The following NCCRP1 variants were observed in gnomAD, a reference collection of about 807,000 sequenced individuals.
NCCRP1 encodes F-box only protein 50.
In NCCRP1, 32 loss-of-function variants were observed where a neutral mutation model predicts 34.4. The observed-to-expected ratio is 0.93, with a 90% CI of 0.70 to 1.25. The LOEUF is 1.25. Ranked by LOEUF, NCCRP1 falls within the 50% of genes most tolerant of loss-of-function variation. The pLI is 0.00. For synonymous variants in NCCRP1, 172 were observed against 180.1 expected (o/e 0.95, Z 0.36); for missense variants, 372 against 391.8 (o/e 0.95, Z 0.43).
chr19:39,197,305 C>T lies in NCCRP1; in HGVS notation c.323C>T (p.Ser108Leu), dbSNP rs867796352. The change falls in exon 1 of 6, where the codon TCG (serine) becomes TTG (leucine). Residue 108 changes from serine to leucine, a missense_variant. Transcript: ENST00000339852. ...CCGCTCTACCGCAACCTGCTGCGCT[C>T]GCCCAACCCCGAAGGTGCGCAAGGG... Reference protein sequence around the residue: ...RRPLYRNLLRSPNPEGINIYE... With the variant: ...RRPLYRNLLRLPNPEGINIYE... 1 of 1,468,886 alleles carries T rather than the reference C, an allele frequency of 6.8e-7. No individual in the cohort carries two copies. The highest frequency in any genetic ancestry group is 2.6e-5 in the Admixed American group (1 of 39,154). 91.0% of individuals were successfully genotyped at this position (1,468,886 alleles called of 1,614,324 possible).
chr19:39,201,580 G>A lies in NCCRP1; in HGVS notation c.*824G>A, dbSNP rs1296921050. The stretch of plus-strand genomic sequence containing the variant: ...CCCACCTTGGCTTCCCAAAGTGCTG[G>A]GATTGCAGACGTGAGTCACTGCGCC... On this transcript the variant is annotated 3_prime_UTR_variant, in exon 6 of 6. Transcript: ENST00000339852. 6.6e-6 allele frequency: 1 copy of A among 152,144 alleles called. No individual in the cohort carries two copies. The highest frequency in any genetic ancestry group is 1.5e-5 in the Non-Finnish European group (1 of 68,058). 9.4% of individuals were successfully genotyped at this position (152,144 alleles called of 1,614,324 possible).
In NCCRP1 at chr19:39,200,783, A is replaced by C; in HGVS notation, c.*27A>C. ...TGGCTGGCTCCTCTGTCCTGACCCC[A>C]CAGCACCTCCCTGACCTTTAGGAGC... On this transcript the variant is annotated 3_prime_UTR_variant, in exon 6 of 6. Transcript: ENST00000339852. The surrounding 1 kb of genome is among the most constrained non-coding windows in gnomAD (Gnocchi z 5.8). 1 of 1,598,142 alleles carries C rather than the reference A, an allele frequency of 6.3e-7. No individual in the cohort carries two copies. Among genetic ancestry groups the C allele is most frequent in the Non-Finnish European group, 8.5e-7 (1 of 1,175,306 alleles).
chr19:39,198,021 G>C, intron 1 of NCCRP1, 32 bp from the exon 2 acceptor site: 1 of 1,610,638 alleles, frequency 6.2e-7, no homozygotes, highest in South Asian at 1.1e-5. Flanking sequence ...TGGAGGGGCT[G>C]CCCAGAGGCT....
At chr19:39,199,482 C>CTTTTCTTTTTT (rs200111495) in intron 4 of NCCRP1, among the ~76,000 whole-genome samples, 72 of 122,978 alleles carry the variant, frequency 5.9e-4, no homozygotes, top group Non-Finnish European at 1.0e-3. Flanking sequence ...ATTTCTTTTT[C>CTTTTCTTTTTT]TTTTCTTTTT....
Position 39,197,261 on chromosome 19 carries a change from G to A in NCCRP1, c.279G>A (p.Lys93=). ...AGCTGCCCCAGCGCCTCACCTGGAA[G>A]CTGCTCCTGTTGCGGCGGCCGCTCT... ...GLELPQRLTW[K]LLLLRRPLYR... The change falls in exon 1 of 6, where the codon AAG becomes AAA. Residue 93 remains lysine, a synonymous_variant. Coordinates refer to ENST00000339852, the MANE Select transcript of NCCRP1 (RefSeq NM_001001414.2). 6.7e-7 allele frequency: 1 copy of A among 1,496,494 alleles called. No homozygotes were observed. The highest frequency in any genetic ancestry group is 8.8e-7 in the Non-Finnish European group (1 of 1,133,576). 92.7% of individuals were successfully genotyped at this position (1,496,494 alleles called of 1,614,324 possible).
chr19:39,200,286 G>C lies in NCCRP1; in HGVS notation c.549-60G>C, dbSNP rs1181756746. ...TGTGTTGAATGGGGAATGGGGCCAG[G>C]GGCTGGGGCTGGGTAGCTGAGACTG... On this transcript the variant is annotated intron_variant, in intron 4 of 5. Coordinates refer to ENST00000339852, the MANE Select transcript of NCCRP1 (RefSeq NM_001001414.2). The surrounding 1 kb of genome is among the most constrained non-coding windows in gnomAD (Gnocchi z 5.8). 1.9e-6 allele frequency: 3 copies of C among 1,595,902 alleles called. No individual in the cohort carries two copies. The highest frequency in any genetic ancestry group is 2.6e-6 in the Non-Finnish European group (3 of 1,170,728).
rs572488283 is a variant in NCCRP1, at chr19:39,201,590, C to G, written c.*834C>G. 1 of 152,208 alleles carries G rather than the reference C, an allele frequency of 6.6e-6. No homozygotes were observed. The highest frequency in any genetic ancestry group is 1.5e-5 in the Non-Finnish European group (1 of 68,066). The allele number at this position is 152,208 out of a possible 1,614,324, so 9.4% of individuals were successfully genotyped here. A position where few individuals can be genotyped will look rare whatever the true frequency, so the allele number is the denominator to read the frequency against. On this transcript the variant is annotated 3_prime_UTR_variant, in exon 6 of 6. Transcript: ENST00000339852. ...CTTCCCAAAGTGCTGGGATTGCAGACGTGAGTCACTGCGCCCAGCCATTCC... is the reference window on the plus strand; with the variant it reads ...CTTCCCAAAGTGCTGGGATTGCAGAGGTGAGTCACTGCGCCCAGCCATTCC...
Position 39,200,571 on chromosome 19 carries a change from T to C in NCCRP1, c.688-45T>C. The stretch of plus-strand genomic sequence containing the variant: ...AGAGGGAGGAGAACAGGTCCGCGGG[T>C]CCTCAAAAAGGGCTCCTCCCTAACC... On this transcript the variant is annotated intron_variant, in intron 5 of 5. Transcript: ENST00000339852. This position sits in a 1 kb window ranked among gnomAD's most constrained non-coding sequence, Gnocchi z 5.8. The C allele has an allele frequency of 1.2e-6, 2 of 1,611,412 alleles. No individual in the cohort carries two copies. Among genetic ancestry groups the C allele is most frequent in the South Asian group, 2.2e-5 (2 of 90,738 alleles).
At position 39,200,611 on chromosome 19, in the gene NCCRP1, C is replaced by T. The variant is rs1331250983; in HGVS notation, c.688-5C>T. On this transcript the variant is annotated splice_region_variant and splice_polypyrimidine_tract_variant and intron_variant, in intron 5 of 5. Coordinates refer to ENST00000339852, the MANE Select transcript of NCCRP1 (RefSeq NM_001001414.2). The surrounding 1 kb of genome is among the most constrained non-coding windows in gnomAD (Gnocchi z 5.8). Reference sequence around the variant, plus strand: ...CCTCCCTAACCCCAGGTGCTGTCACCACAGGTGTCCCACGTATTCCGCCAT... The same window carrying T: ...CCTCCCTAACCCCAGGTGCTGTCACTACAGGTGTCCCACGTATTCCGCCAT... The T allele has an allele frequency of 1.9e-6, 3 of 1,613,944 alleles. No individual in the cohort carries two copies. Among genetic ancestry groups the T allele is most frequent in the Admixed American group, 3.3e-5 (2 of 60,004 alleles).
At chr19:39,199,343 C>T in intron 4 of NCCRP1, 78 bp downstream of exon 4, 2 of 1,355,286 alleles carry the variant, frequency 1.5e-6, no homozygotes, top group Non-Finnish European at 2.1e-6. Flanking sequence ...TCTGAGCTCC[C>T]CTTGCTTTCA....
Position 39,200,787 on chromosome 19 carries a change from C to G in NCCRP1, c.*31C>G. On this transcript the variant is annotated 3_prime_UTR_variant, in exon 6 of 6. Transcript: ENST00000339852. This position sits in a 1 kb window ranked among gnomAD's most constrained non-coding sequence, Gnocchi z 5.8. ...TGGCTCCTCTGTCCTGACCCCACAG[C>G]ACCTCCCTGACCTTTAGGAGCCCCA... 1.3e-6 allele frequency: 2 copies of G among 1,595,832 alleles called. No individual in the cohort carries two copies. Among genetic ancestry groups the G allele is most frequent in the Middle Eastern group, 3.3e-4 (2 of 5,980 alleles).
Position 39,200,587 on chromosome 19 carries a change from C to T in NCCRP1, c.688-29C>T. 3.1e-6 allele frequency: 5 copies of T among 1,612,502 alleles called. No individual in the cohort carries two copies. Among genetic ancestry groups the T allele is most frequent in the Non-Finnish European group, 4.2e-6 (5 of 1,179,310 alleles). On this transcript the variant is annotated intron_variant, in intron 5 of 5. Coordinates refer to ENST00000339852, the MANE Select transcript of NCCRP1 (RefSeq NM_001001414.2). This position sits in a 1 kb window ranked among gnomAD's most constrained non-coding sequence, Gnocchi z 5.8. ...GTCCGCGGGTCCTCAAAAAGGGCTC[C>T]TCCCTAACCCCAGGTGCTGTCACCA...
At chr19:39,199,509 C>CTTTTTTTT (rs150534648) in intron 4 of NCCRP1, among the ~76,000 whole-genome samples, 11 of 67,868 alleles carry the variant, frequency 1.6e-4, no homozygotes, top group Non-Finnish European at 2.3e-4. Context: ...TTTTTTCTTT[C>CTTTTTTTT]TTTTTTTTTT....
In NCCRP1 at chr19:39,198,262, C is replaced by T; in HGVS notation, c.452+9C>T. 6.2e-7 allele frequency: 1 copy of T among 1,613,998 alleles called. No homozygotes were observed. Among genetic ancestry groups the T allele is most frequent in the Non-Finnish European group, 8.5e-7 (1 of 1,179,916 alleles). ...CTCCAGCAGAACCAAAGGTGAGTCG[C>T]CAGGGCCAGTGTGGCTTACACTCCA... On this transcript the variant is annotated intron_variant, in intron 3 of 5. Coordinates refer to ENST00000339852, the MANE Select transcript of NCCRP1 (RefSeq NM_001001414.2).
chr19:39,198,839 A>T (rs1276830787), intron 3 of NCCRP1, among the ~76,000 whole-genome samples: 1 of 152,010 alleles, frequency 6.6e-6, no homozygotes, highest in East Asian at 1.9e-4. Context: ...CCTCCATGAA[A>T]CAGAGCCTTG....
chr19:39,197,684 C>T (rs2074768851), intron 1 of NCCRP1, among the ~76,000 whole-genome samples: 1 of 152,190 alleles, frequency 6.6e-6, no homozygotes, highest in Non-Finnish European at 1.5e-5. Flanking sequence ...TCAGGCAATT[C>T]TCCTGCCTCA....
Position 39,200,686 on chromosome 19 carries a change from G to C in NCCRP1, c.758G>C (p.Arg253Pro). Residue 253 changes from arginine (R) to proline (P), a missense_variant, in exon 6 of 6, where the codon CGC (arginine) becomes CCC (proline). Arg to Pro is a moderately radical substitution (Grantham distance 103, BLOSUM62 -2). Transcript: ENST00000339852. This position sits in a 1 kb window ranked among gnomAD's most constrained non-coding sequence, Gnocchi z 5.8. ...CACTTCCTGCACAAGGCCAAGAACC[G>C]CATGGAGCCTGGTGGGCTGCGGCGG... ...FIHFLHKAKNRMEPGGLRRTR... is the reference protein window; with the variant it reads ...FIHFLHKAKNPMEPGGLRRTR... The C allele has an allele frequency of 6.2e-7, 1 of 1,613,994 alleles. No individual in the cohort carries two copies. The highest frequency in any genetic ancestry group is 1.3e-5 in the African/African-American group (1 of 75,044).
chr19:39,200,821 T>G lies in NCCRP1; in HGVS notation c.*65T>G, dbSNP rs1230217639. ...GACCTTTAGGAGCCCCAACTCTTAG[T>G]CACCTCCTAGGCCTCTTATTTCTCC... On this transcript the variant is annotated 3_prime_UTR_variant, in exon 6 of 6. Transcript: ENST00000339852. The surrounding 1 kb of genome is among the most constrained non-coding windows in gnomAD (Gnocchi z 5.8). 2 of 1,545,414 alleles carry G rather than the reference T, an allele frequency of 1.3e-6. No homozygotes were observed. Among genetic ancestry groups the G allele is most frequent in the Non-Finnish European group, 1.7e-6 (2 of 1,150,316 alleles).
intron 4 of NCCRP1, 97 bp downstream of exon 4, chr19:39,199,362 C>T (rs1477812789): frequency 9.4e-7 from 1 of 1,061,168 alleles, no homozygotes; most frequent in East Asian, 2.5e-5. Context: ...CAGCCCTTCA[C>T]CAAGACCCTC....
Sources: gnomAD v4.1 joint callset for allele counts (sites outside exome capture counted in the v4.1 genomes callset) on GRCh38, gnomAD v4.1.1 for gene constraint, Gnocchi (gnomAD v3.1) non-coding constraint, MANE v1.5 for transcripts, NCBI Gene and HGNC (gene_info 2026-07-23, HGNC 2026-07-21) for gene names.